Variants in NCOR1 observed in about 807,000 individuals in gnomAD.
NCOR1 encodes protein phosphatase 1, regulatory subunit 109.
A neutral mutation model predicts 288.1 loss-of-function variants in NCOR1; 63 were observed. That is an observed-to-expected ratio of 0.22 (90% CI 0.18 to 0.27). The LOEUF is 0.27. NCOR1 is among the 10% of genes least tolerant of loss of function. NCOR1 has a pLI of 1.00. For synonymous variants in NCOR1, 1,007 were observed against 1,065.9 expected (o/e 0.94, Z 1.08); for missense variants, 2,397 against 3,019.2 (o/e 0.79, Z 4.83).
chr17:16,187,374 T>C (rs2086883165), intron 2 of NCOR1, among the ~76,000 whole-genome samples: 1 of 152,028 alleles, frequency 6.6e-6, no homozygotes, highest in South Asian at 2.1e-4. Flanking sequence ...CAATTTTTCA[T>C]GGGTGCATTA....
chr17:16,070,124 T>A (rs771591422), intron 31 of NCOR1, 41 bp downstream of exon 31: 2 of 1,495,330 alleles, frequency 1.3e-6, no homozygotes, highest in Non-Finnish European at 8.9e-7. Context: ...TTTTTTTAAA[T>A]GCAATAAAAA....
intron 10 of NCOR1, among the ~76,000 whole-genome samples, chr17:16,145,887 C>G (rs1440645515): frequency 6.6e-6 from 1 of 152,150 alleles, no homozygotes; most frequent in East Asian, 1.9e-4. Context: ...AGAGGGAGAT[C>G]AGATTGTTAC....
intron 40 of NCOR1, among the ~76,000 whole-genome samples, chr17:16,053,174 C>T (rs1276428585): frequency 6.6e-6 from 1 of 152,154 alleles, no homozygotes; most frequent in Non-Finnish European, 1.5e-5. Context: ...TATTCAACAT[C>T]CTATTGGAAG....
At chr17:16,087,775 A>G (rs567798914) in intron 22 of NCOR1, among the ~76,000 whole-genome samples, 3 of 152,340 alleles carry the variant, frequency 2.0e-5, no homozygotes, top group African/African-American at 7.2e-5. Context: ...TTTAATTAAG[A>G]AATGGAAGAA....
intron 1 of NCOR1, among the ~76,000 whole-genome samples, chr17:16,197,297 G>C (rs178806): frequency 0.46 from 69,190 of 151,334 alleles, 16,765 homozygotes; most frequent in Middle Eastern, 0.58. Context: ...CTCCAGCCTG[G>C]GTGAGGGGTC....
rs528877253 is a variant in NCOR1 at position 16,128,824 on chromosome 17, C to T, written c.1510-2618G>A. Among the ~76,000 whole-genome samples, 6 of 152,276 alleles carry T rather than the reference C, an allele frequency of 3.9e-5. No homozygotes were observed. In the South Asian group the frequency reaches 1.0e-3, roughly 26 times the overall value. ...TTAAGATAATGAAGGCCTTATTCAC[C>T]TCCCCAAAAGAAGTCCCATCCACAT... On this transcript the variant is annotated intron_variant, in intron 14 of 45. Coordinates refer to ENST00000268712, the MANE Select transcript of NCOR1 (RefSeq NM_006311.4).
At chr17:16,203,529 TAAGGTAAGCTCCCAC>T (rs1277882315) in intron 1 of NCOR1, among the ~76,000 whole-genome samples, 1 of 152,154 alleles carries the variant, frequency 6.6e-6, no homozygotes. Context: ...ACGCTACATA[TAAGGTAAGCTCCCAC>T]AAGTTACTCT....
intron 4 of NCOR1, among the ~76,000 whole-genome samples, chr17:16,168,552 C>A (rs2082488307): frequency 6.6e-6 from 1 of 152,112 alleles, no homozygotes; most frequent in Non-Finnish European, 1.5e-5. Flanking sequence ...ACTGGCCCTA[C>A]TCTTTTGCAG....
intron 28 of NCOR1, among the ~76,000 whole-genome samples, chr17:16,073,022 C>A (rs2061949317): frequency 1.3e-5 from 2 of 152,188 alleles, no homozygotes; most frequent in African/African-American, 4.8e-5. Flanking sequence ...AAGGGTGAAG[C>A]TGAAATTTAA....
At chr17:16,132,164 G>A (rs58475330) in intron 14 of NCOR1, among the ~76,000 whole-genome samples, 11,836 of 152,166 alleles carry the variant, frequency 0.078, 683 homozygotes, top group African/African-American at 0.17. Flanking sequence ...AAAACACACT[G>A]GCATAAAGGG....
chr17:16,054,953 A>C (rs922505988), intron 40 of NCOR1, among the ~76,000 whole-genome samples: 3 of 152,222 alleles, frequency 2.0e-5, no homozygotes, highest in African/African-American at 7.2e-5. Context: ...AAAAAGAGTA[A>C]GTGCCAATCA....
chr17:16,065,910 T>A, intron 32 of NCOR1: 1 of 550,396 alleles, frequency 1.8e-6, no homozygotes, highest in Non-Finnish European at 3.3e-6. Flanking sequence ...AGGGGAAGGA[T>A]AACAGTAGCT....
chr17:16,107,998 T>C (rs1019991261), intron 19 of NCOR1, among the ~76,000 whole-genome samples: 1 of 151,696 alleles, frequency 6.6e-6, no homozygotes, highest in African/African-American at 2.4e-5. Flanking sequence ...ATAAAGACCC[T>C]ACACAGAAAA....
At chr17:16,188,082 A>G (rs1276545418) in intron 2 of NCOR1, among the ~76,000 whole-genome samples, 1 of 152,122 alleles carries the variant, frequency 6.6e-6, no homozygotes, top group Non-Finnish European at 1.5e-5. Context: ...GCACAATATA[A>G]TGAATATATT....
chr17:16,046,123 C>G (rs2058615143), intron 42 of NCOR1, among the ~76,000 whole-genome samples: 3 of 152,164 alleles, frequency 2.0e-5, no homozygotes, highest in Admixed American at 6.5e-5. Flanking sequence ...GTTAGTTTAT[C>G]AGAGTTGCAT....
intron 40 of NCOR1, among the ~76,000 whole-genome samples, chr17:16,053,841 T>C (rs545725757): frequency 1.3e-5 from 2 of 152,016 alleles, no homozygotes; most frequent in Admixed American, 6.6e-5. Context: ...GGTACAAAGA[T>C]AAGACACACA....
chr17:16,098,654 G>C, intron 20 of NCOR1, 158 bp from the exon 21 acceptor site: 1 of 534,844 alleles, frequency 1.9e-6, no homozygotes, highest in Non-Finnish European at 3.0e-6. Flanking sequence ...GGACAGTTAA[G>C]GAAAAAGGAA....
In NCOR1 at chr17:16,034,768, T is replaced by C; in HGVS notation, c.7132A>G (p.Thr2378Ala). The C allele has an allele frequency of 6.2e-7, 1 of 1,611,430 alleles. No homozygotes were observed. Among genetic ancestry groups the C allele is most frequent in the Non-Finnish European group, 8.5e-7 (1 of 1,178,780 alleles). Residue 2378 changes from threonine (T) to alanine (A), a missense_variant, in exon 45 of 46, where the codon ACA (threonine) becomes GCA (alanine). By Grantham distance (58) the Thr-to-Ala change is moderately conservative. Coordinates refer to ENST00000268712, the MANE Select transcript of NCOR1 (RefSeq NM_006311.4). ...TAAGTTAAAGCAGAATCCTTACCTG[T>C]TGAAGAGGGCCTGTCTTCCCAGGCC... The part of the protein sequence containing the change: ...GWAWEDRPSS[T>A]GSTQFPYNPL...
At chr17:16,156,454 AAAG>A (rs2079812658) in intron 6 of NCOR1, among the ~76,000 whole-genome samples, 1 of 147,724 alleles carries the variant, frequency 6.8e-6, no homozygotes, top group African/African-American at 2.6e-5. Context: ...AAAGAAAAGA[AAAG>A]AAGGAAAGCG....
Sources: gnomAD v4.1 joint callset for allele counts (sites outside exome capture counted in the v4.1 genomes callset) on GRCh38, gnomAD v4.1.1 for gene constraint, MANE v1.5 for transcripts, NCBI Gene and HGNC (gene_info 2026-07-23, HGNC 2026-07-21) for gene names.